The following ERBIN variants were observed in gnomAD, a reference collection of about 807,000 sequenced individuals.
ERBIN encodes erbb2 interacting protein.
ERBIN carries 60 observed loss-of-function variants against 158.4 expected under a neutral mutation model. The ratio of observed to expected loss-of-function variants is 0.38; its 90% CI spans 0.31 to 0.47. ERBIN has a LOEUF of 0.47. ERBIN is among the 20% of genes least tolerant of loss of function. The pLI is 0.99. For synonymous variants in ERBIN, 594 were observed against 557.2 expected (o/e 1.07, Z -0.93); for missense variants, 1,610 against 1,648.0 (o/e 0.98, Z 0.40).
chr5:66,018,441 AATATAAT>A (rs1178720766), intron 7 of ERBIN, among the ~76,000 whole-genome samples: 16 of 53,166 alleles, frequency 3.0e-4, no homozygotes, highest in African/African-American at 1.0e-3. Context: ...TGATATATAT[AATATAAT>A]ATATATTATA....
At chr5:66,058,033 C>G (rs1166046929) in intron 21 of ERBIN, among the ~76,000 whole-genome samples, 2 of 152,044 alleles carry the variant, frequency 1.3e-5, no homozygotes, top group Non-Finnish European at 2.9e-5. Context: ...GATTTATAAT[C>G]CTTTAGGTAT....
At chr5:66,062,446 A>AT (rs919449792) in intron 21 of ERBIN, among the ~76,000 whole-genome samples, 3 of 151,634 alleles carry the variant, frequency 2.0e-5, no homozygotes, top group African/African-American at 7.3e-5. Flanking sequence ...CATTAGTCTA[A>AT]TTTTTTTTCA....
At chr5:66,063,685 C>A (rs1760700171) in intron 21 of ERBIN, among the ~76,000 whole-genome samples, 1 of 152,108 alleles carries the variant, frequency 6.6e-6, no homozygotes, top group Non-Finnish European at 1.5e-5. Context: ...TTGGCTCCTC[C>A]CAATTTCTCG....
chr5:66,018,622 A>G lies in ERBIN; in HGVS notation c.534-2700A>G, dbSNP rs556560799. Among the ~76,000 whole-genome samples the G allele has an allele frequency of 3.9e-4, 38 of 96,444 alleles. 1 individual carries two copies. Among genetic ancestry groups the G allele is most frequent in the East Asian group, 8.1e-4 (3 of 3,710 alleles). 63.3% of individuals were successfully genotyped at this position (96,444 alleles called of 152,430 possible). A position where few individuals can be genotyped will look rare whatever the true frequency, so the allele number is the denominator to read the frequency against. Reference sequence around the variant, plus strand: ...ATATTATATATACATACACACACACATATAGATTTTTTTTTATTTATTTTT... The same window carrying G: ...ATATTATATATACATACACACACACGTATAGATTTTTTTTTATTTATTTTT... On this transcript the variant is annotated intron_variant, in intron 7 of 25. Coordinates refer to ENST00000284037, the MANE Select transcript of ERBIN (RefSeq NM_001253697.2).
intron 1 of ERBIN, among the ~76,000 whole-genome samples, chr5:65,986,806 T>A (rs1213653683): frequency 6.6e-6 from 1 of 152,080 alleles, no homozygotes; most frequent in Non-Finnish European, 1.5e-5. Context: ...ATAAAGCAAA[T>A]AAGGGAATTA....
chr5:66,039,247 G>A (rs1757703369), intron 15 of ERBIN, among the ~76,000 whole-genome samples: 1 of 151,844 alleles, frequency 6.6e-6, no homozygotes, highest in South Asian at 2.1e-4. Context: ...TTGAACTTCA[G>A]TTTCCTTATC....
Position 66,024,303 on chromosome 5 carries a change from T to C in ERBIN, c.673-3T>C, listed in dbSNP as rs375483380. ...TCATTAGATTTTCTTTTTTTACTTA[T>C]AGTTTATTGGTAGTTTGAAACAGCT... is the stretch of plus-strand genomic sequence containing the variant. On this transcript the variant is annotated splice_region_variant and splice_polypyrimidine_tract_variant and intron_variant, in intron 9 of 25. Transcript: ENST00000284037. 3.0e-5 allele frequency: 44 copies of C among 1,486,398 alleles called. No homozygotes were observed. The highest frequency in any genetic ancestry group is 1.6e-4 in the African/African-American group (11 of 70,218). 92.1% of individuals were successfully genotyped at this position (1,486,398 alleles called of 1,614,324 possible). A position where few individuals can be genotyped will look rare whatever the true frequency, so the allele number is the denominator to read the frequency against.
In ERBIN at chr5:66,078,540, A is replaced by G. The variant is rs1375456864; in HGVS notation, c.*10A>G. 3.2e-6 allele frequency: 5 copies of G among 1,554,634 alleles called. No homozygotes were observed. The highest frequency in any genetic ancestry group is 4.4e-6 in the Non-Finnish European group (5 of 1,129,544). ...AGAAGTTTCCTCATAAGCACTGTGG[A>G]CAAAAAAAGCGGGGAAGACAGCAAG... On this transcript the variant is annotated 3_prime_UTR_variant, in exon 26 of 26. Transcript: ENST00000284037.
At chr5:65,957,234 T>A (rs1747259614) in intron 1 of ERBIN, among the ~76,000 whole-genome samples, 1 of 152,006 alleles carries the variant, frequency 6.6e-6, no homozygotes, top group Non-Finnish European at 1.5e-5. Context: ...ATTTTATTTT[T>A]TTTATTGATC....
At chr5:66,069,091 G>A in intron 21 of ERBIN, 5 of 1,343,214 alleles carry the variant, frequency 3.7e-6, no homozygotes, top group Non-Finnish European at 4.8e-6. Context: ...GTGTTTTAAT[G>A]TTTCCAGGAA....
At chr5:66,074,982 C>T in intron 22 of ERBIN, 42 bp from the exon 23 acceptor site, 1 of 1,554,822 alleles carries the variant, frequency 6.4e-7, no homozygotes, top group Non-Finnish European at 8.9e-7. Context: ...TGAAATAAGA[C>T]ATTATTATTG....
At chr5:66,041,019 G>A (rs1329340815) in intron 15 of ERBIN, among the ~76,000 whole-genome samples, 1 of 151,834 alleles carries the variant, frequency 6.6e-6, no homozygotes, top group Non-Finnish European at 1.5e-5. Context: ...GGATATTAGT[G>A]GAAATATGAG....
chr5:65,977,959 G>GGGAGA (rs1449472596), intron 1 of ERBIN, among the ~76,000 whole-genome samples: 1 of 470 alleles, frequency 2.1e-3, no homozygotes, highest in African/African-American at 2.7e-3. Flanking sequence ...AGAGGGTTAG[G>GGGAGA]GGAGAGGGAG....
chr5:66,030,044 TG>T (rs1425357221), intron 14 of ERBIN, among the ~76,000 whole-genome samples: 2 of 152,104 alleles, frequency 1.3e-5, no homozygotes, highest in Non-Finnish European at 2.9e-5. Flanking sequence ...GTTTTGTTTT[TG>T]TTTTTGTTTT....
At chr5:65,950,709 C>T (rs938671545) in intron 1 of ERBIN, among the ~76,000 whole-genome samples, 2 of 152,038 alleles carry the variant, frequency 1.3e-5, no homozygotes, top group African/African-American at 4.8e-5. Flanking sequence ...ATGTTTAAAC[C>T]ACCATATAGA....
intron 20 of ERBIN, among the ~76,000 whole-genome samples, chr5:66,052,252 G>A (rs529926371): frequency 2.0e-5 from 3 of 151,868 alleles, no homozygotes; most frequent in Admixed American, 6.6e-5. Flanking sequence ...TTAATGTGTG[G>A]ATATTTTTAA....
intron 1 of ERBIN, among the ~76,000 whole-genome samples, chr5:65,979,243 A>G (rs1044196345): frequency 6.6e-6 from 1 of 151,754 alleles, no homozygotes; most frequent in Non-Finnish European, 1.5e-5. Context: ...CCTGGGCAAC[A>G]TAGTGGGACC....
intron 1 of ERBIN, among the ~76,000 whole-genome samples, chr5:65,983,957 A>G (rs953164125): frequency 6.6e-6 from 1 of 152,182 alleles, no homozygotes; most frequent in Non-Finnish European, 1.5e-5. Flanking sequence ...CACATGTGGT[A>G]GATGCCAGTG....
At chr5:65,997,513 G>A (rs1580297046) in intron 4 of ERBIN, among the ~76,000 whole-genome samples, 1 of 152,300 alleles carries the variant, frequency 6.6e-6, no homozygotes, top group East Asian at 1.9e-4. Flanking sequence ...CAGAAGGAGA[G>A]AGAAATCAGC....
Sources: gnomAD v4.1 joint callset for allele counts (sites outside exome capture counted in the v4.1 genomes callset) on GRCh38, gnomAD v4.1.1 for gene constraint, MANE v1.5 for transcripts, NCBI Gene and HGNC (gene_info 2026-07-23, HGNC 2026-07-21) for gene names.